Variants in CASK observed in about 807,000 individuals in gnomAD.
CASK encodes the protein peripheral plasma membrane protein CASK.
Under a neutral mutation model 82.9 loss-of-function variants are expected in CASK, and 4 were observed. The observed-to-expected ratio is 0.05, with a 90% CI of 0.02 to 0.11. The LOEUF (loss-of-function observed/expected upper bound fraction) is 0.11, where lower values mean the gene tolerates loss of function less well. CASK is among the 10% of genes least tolerant of loss of function. CASK has a pLI of 1.00. For synonymous variants in CASK, 259 were observed against 253.5 expected, an observed-to-expected ratio of 1.02 and a Z score of -0.20; for missense variants, 358 against 720.9, an observed-to-expected ratio of 0.50 and a Z score of 5.76.
At chrX:41,576,897 G>A (rs1381288561) in intron 15 of CASK, among the ~76,000 whole-genome samples, 1 of 111,556 alleles carries the variant, frequency 9.0e-6, no homozygotes, top group Non-Finnish European at 1.9e-5. Flanking sequence ...AGATAATATT[G>A]TATAACTGGC....
intron 3 of CASK, among the ~76,000 whole-genome samples, chrX:41,751,113 G>C (rs1430940122): frequency 8.9e-6 from 1 of 111,926 alleles, no homozygotes; most frequent in Non-Finnish European, 1.9e-5. Context: ...ACAGGGTCTC[G>C]TTTTGTCACC....
chrX:41,605,835 T>C (rs2065952228), intron 12 of CASK, among the ~76,000 whole-genome samples: 1 of 110,636 alleles, frequency 9.0e-6, no homozygotes, highest in African/African-American at 3.3e-5. Flanking sequence ...TGCGCCACCA[T>C]GCCTAGCTAA....
At chrX:41,876,404 T>C (rs2071820317) in intron 1 of CASK, among the ~76,000 whole-genome samples, 1 of 111,609 alleles carries the variant, frequency 9.0e-6, no homozygotes, top group Non-Finnish European at 1.9e-5. Flanking sequence ...TCCATGACTT[T>C]TTTAATCAAT....
chrX:41,825,388 C>T (rs985972795), intron 2 of CASK, among the ~76,000 whole-genome samples: 4 of 111,609 alleles, frequency 3.6e-5, no homozygotes, highest in Admixed American at 9.5e-5. Flanking sequence ...ACTCTAGATA[C>T]CCAGCAAATA....
Position 41,557,131 on chromosome X carries a change from G to GA in CASK, c.1738-32dup, listed in dbSNP as rs758171305. On this transcript the variant is annotated intron_variant, in intron 18 of 26. Coordinates refer to ENST00000378163, the MANE Select transcript of CASK (RefSeq NM_001367721.1). The stretch of plus-strand genomic sequence containing the variant: ...ATAAGACACAAGGTTCATTAACACA[G>GA]AACACCAGCACAGAAACACAGAGAT... 14 of 1,046,285 alleles carry GA rather than the reference G, an allele frequency of 1.3e-5. No individual in the cohort carries two copies. In the African/African-American group the frequency reaches 2.6e-4, roughly 19 times the overall value. The allele number at this position is 1,046,285 out of a possible 1,213,427, so 86.2% of individuals were successfully genotyped here.
At chrX:41,583,377 C>T (rs2065609972) in intron 14 of CASK, among the ~76,000 whole-genome samples, 1 of 111,936 alleles carries the variant, frequency 8.9e-6, no homozygotes, top group Admixed American at 9.5e-5. Context: ...GGCCCTATAT[C>T]ATTCTCTGAA....
At position 41,792,289 on chromosome X, in the gene CASK, ATT is replaced by A. The variant is rs757353818; in HGVS notation, c.173-5008_173-5007del. 9.9e-3 allele frequency among the ~76,000 whole-genome samples: 900 copies of A among 91,305 alleles called. 5 individuals are homozygous for A. The highest frequency in any genetic ancestry group is 0.023 in the South Asian group (45 of 1,983). The allele number at this position is 91,305 out of a possible 115,157, so 79.3% of individuals were successfully genotyped here. On this transcript the variant is annotated intron_variant, in intron 2 of 26. Coordinates refer to ENST00000378163, the MANE Select transcript of CASK (RefSeq NM_001367721.1). ...GTTTGCTCGAGAGCATTCAATAAGG[ATT>A]TTTTTTTTTTTTTTTTTGAGCTAGG...
chrX:41,648,203 C>G, intron 8 of CASK, among the ~76,000 whole-genome samples: 1 of 111,111 alleles, frequency 9.0e-6, no homozygotes, highest in Non-Finnish European at 1.9e-5. Context: ...CTCTTATGGT[C>G]AAGATTGCAG....
intron 5 of CASK, chrX:41,683,105 C>G (rs913433182): frequency 9.0e-6 from 1 of 111,548 alleles, no homozygotes; most frequent in Non-Finnish European, 1.9e-5. Context: ...CATCTGCTGC[C>G]TCTTTGCTGA....
chrX:41,569,537 CT>C (rs2147178763), intron 16 of CASK, 130 bp downstream of exon 16: 1 of 487,302 alleles, frequency 2.1e-6, no homozygotes, highest in East Asian at 3.6e-5. Flanking sequence ...CACTTAGGAG[CT>C]CAAGACCAGT....
chrX:41,866,680 G>A (rs1008939452), intron 1 of CASK, among the ~76,000 whole-genome samples: 3 of 111,191 alleles, frequency 2.7e-5, no homozygotes, highest in African/African-American at 9.8e-5. Flanking sequence ...TTTTATTGTT[G>A]TTGTTGACAA....
chrX:41,870,796 A>T (rs2071692731), intron 1 of CASK, among the ~76,000 whole-genome samples: 1 of 111,931 alleles, frequency 8.9e-6, no homozygotes, highest in African/African-American at 3.3e-5. Context: ...GTGTTAGGGG[A>T]ACTGGTGGTG....
intron 5 of CASK, among the ~76,000 whole-genome samples, chrX:41,686,002 A>G (rs1379504439): frequency 8.9e-6 from 1 of 111,920 alleles, no homozygotes; most frequent in Non-Finnish European, 1.9e-5. Flanking sequence ...TGGTCCTCAA[A>G]CCTTAGCATC....
At chrX:41,754,948 G>C (rs755880981) in intron 3 of CASK, among the ~76,000 whole-genome samples, 1 of 101,605 alleles carries the variant, frequency 9.8e-6, no homozygotes, top group African/African-American at 3.7e-5. Flanking sequence ...GTGCCATCTC[G>C]GCTCACTGCA....
rs777295353 is a variant in CASK at position 41,545,360 on chromosome X, G to A, written c.2040-2554C>T. On this transcript the variant is annotated intron_variant, in intron 21 of 26. Transcript: ENST00000378163. Reference sequence around the variant, plus strand: ...ATTTTTGCTTATGGTGTAAAGGAGGGGTCCAATTCCTTTTTTCTTCCTAAT... The same window carrying A: ...ATTTTTGCTTATGGTGTAAAGGAGGAGTCCAATTCCTTTTTTCTTCCTAAT... Among the ~76,000 whole-genome samples, 4 of 111,766 alleles carry A rather than the reference G, an allele frequency of 3.6e-5. No homozygotes were observed. In the East Asian group the frequency reaches 1.1e-3, roughly 31 times the overall value.
chrX:41,698,935 T>A (rs2067741778), intron 5 of CASK, among the ~76,000 whole-genome samples: 1 of 111,323 alleles, frequency 9.0e-6, no homozygotes. Context: ...TATATATAGA[T>A]ATATTTTTTG....
At chrX:41,849,287 ATT>A (rs1274646952) in intron 2 of CASK, among the ~76,000 whole-genome samples, 1 of 111,799 alleles carries the variant, frequency 8.9e-6, no homozygotes, top group African/African-American at 3.2e-5. Context: ...CCTTATTATA[ATT>A]TGTCTGAATT....
chrX:41,564,296 A>G (rs1427650410), intron 16 of CASK, among the ~76,000 whole-genome samples: 2 of 112,840 alleles, frequency 1.8e-5, no homozygotes, highest in African/African-American at 6.4e-5. Context: ...TTTAGCCCTA[A>G]TAAAAGGCAT....
In CASK at chrX:41,854,213, C is replaced by T. The variant is rs186556099; in HGVS notation, c.60-986G>A. ...CTGGTCCAGGGAACATGCGCGCGCG[C>T]GCGGGCGCGCGCACACACACACACA... is the stretch of plus-strand genomic sequence containing the variant. On this transcript the variant is annotated intron_variant, in intron 1 of 26. Transcript: ENST00000378163. Among the ~76,000 whole-genome samples, 507 of 89,144 alleles carry T rather than the reference C, an allele frequency of 5.7e-3. 4 individuals are homozygous for T. Among genetic ancestry groups the T allele is most frequent in the African/African-American group, 0.02 (483 of 23,673 alleles). The allele number at this position is 89,144 out of a possible 115,157, so 77.4% of individuals were successfully genotyped here.
Sources: allele counts gnomAD v4.1 joint callset (sites outside exome capture counted in the v4.1 genomes callset), GRCh38; gene constraint gnomAD v4.1.1; transcripts MANE v1.5; gene names NCBI Gene and HGNC (gene_info 2026-07-23, HGNC 2026-07-21).